The following ADAMTSL1 variants were observed in gnomAD, a reference collection of about 807,000 sequenced individuals.
ADAMTSL1 encodes ADAMTS like 1, also known as ADAMTS-like protein 1.
In ADAMTSL1, 126 loss-of-function variants were observed where a neutral mutation model predicts 201.8. The ratio of observed to expected loss-of-function variants is 0.62; its 90% CI spans 0.54 to 0.72. The LOEUF is 0.72. Among genes scored for constraint, ADAMTSL1 ranks in the 30% least tolerant of loss-of-function variants. The pLI is 0.00. For synonymous variants in ADAMTSL1, 1,121 were observed against 903.4 expected (o/e 1.24, Z -4.32); for missense variants, 2,679 against 2,277.8 (o/e 1.18, Z -3.59).
intron 2 of ADAMTSL1, among the ~76,000 whole-genome samples, chr9:18,354,744 G>A (rs1836132900): frequency 6.6e-6 from 1 of 152,160 alleles, no homozygotes; most frequent in Non-Finnish European, 1.5e-5. Context: ...GAAGTTGGTG[G>A]ATCAACTGAG....
intron 1 of ADAMTSL1, among the ~76,000 whole-genome samples, chr9:18,058,940 T>C (rs1157117763): frequency 6.6e-6 from 1 of 152,238 alleles, no homozygotes; most frequent in East Asian, 1.9e-4. Context: ...CTTGGAAATT[T>C]CATGGATATT....
At chr9:18,832,369 G>C (rs576994143) in intron 23 of ADAMTSL1, among the ~76,000 whole-genome samples, 7 of 152,190 alleles carry the variant, frequency 4.6e-5, no homozygotes, top group African/African-American at 1.7e-4. Flanking sequence ...GTGTAGGGTT[G>C]CTGAGAAATT....
chr9:18,123,374 C>T (rs1245801179), intron 1 of ADAMTSL1, among the ~76,000 whole-genome samples: 1 of 152,110 alleles, frequency 6.6e-6, no homozygotes, highest in Non-Finnish European at 1.5e-5. Context: ...GCCTCTTACT[C>T]ACTTATATTA....
chr9:18,187,725 T>C (rs1430896105), intron 2 of ADAMTSL1, among the ~76,000 whole-genome samples: 1 of 151,780 alleles, frequency 6.6e-6, no homozygotes, highest in Non-Finnish European at 1.5e-5. Context: ...ACAATAAATA[T>C]GTAATAAGAA....
intron 8 of ADAMTSL1, 123 bp from the exon 9 acceptor site, chr9:18,661,812 T>G: frequency 9.4e-7 from 1 of 1,068,134 alleles, no homozygotes; most frequent in South Asian, 1.9e-5. Context: ...TGTGTCTTTT[T>G]TCCTGGAAAT....
chr9:18,470,765 A>C (rs573730901), upstream of ADAMTSL1, among the ~76,000 whole-genome samples: 1 of 152,216 alleles, frequency 6.6e-6, no homozygotes, highest in Non-Finnish European at 1.5e-5. Flanking sequence ...CTTCTGTCCA[A>C]GCTGGTGTCT....
intron 1 of ADAMTSL1, among the ~76,000 whole-genome samples, chr9:18,006,519 A>C (rs1023669192): frequency 6.6e-6 from 1 of 151,920 alleles, no homozygotes; most frequent in Non-Finnish European, 1.5e-5. Flanking sequence ...GGAACTTGGA[A>C]GTTGTTGGGT....
At chr9:18,901,664 A>G (rs1830026154) in intron 26 of ADAMTSL1, among the ~76,000 whole-genome samples, 1 of 152,230 alleles carries the variant, frequency 6.6e-6, no homozygotes, top group African/African-American at 2.4e-5. Context: ...ATGTATAGCC[A>G]AAGAAGAATG....
chr9:18,131,779 TG>T (rs747258994), intron 1 of ADAMTSL1, among the ~76,000 whole-genome samples: 20 of 152,160 alleles, frequency 1.3e-4, no homozygotes, highest in Middle Eastern at 3.4e-3. Context: ...GAAGGGCCAA[TG>T]GGTTGGGTTT....
intron 5 of ADAMTSL1, among the ~76,000 whole-genome samples, chr9:18,635,531 T>C (rs1379317985): frequency 6.6e-6 from 1 of 152,210 alleles, no homozygotes; most frequent in African/African-American, 2.4e-5. Context: ...TTACCTGTTC[T>C]ACTCATCCAA....
chr9:18,245,724 G>A (rs1377150161), intron 2 of ADAMTSL1, among the ~76,000 whole-genome samples: 1 of 151,054 alleles, frequency 6.6e-6, no homozygotes, highest in African/African-American at 2.4e-5. Context: ...CAATGAAAGA[G>A]TAAAATTAAC....
intron 13 of ADAMTSL1, among the ~76,000 whole-genome samples, chr9:18,703,037 C>T (rs1465858961): frequency 8.5e-5 from 13 of 152,162 alleles, no homozygotes; most frequent in Non-Finnish European, 1.6e-4. Context: ...GCTGGGATCC[C>T]AGGCGTGAGT....
At chr9:18,310,931 A>G (rs569409912) in intron 2 of ADAMTSL1, among the ~76,000 whole-genome samples, 2 of 152,316 alleles carry the variant, frequency 1.3e-5, no homozygotes, top group East Asian at 3.9e-4. Flanking sequence ...ACTATTCACA[A>G]TAGCAAAGAC....
chr9:17,956,019 A>T (rs770940578), intron 1 of ADAMTSL1, among the ~76,000 whole-genome samples: 3 of 152,222 alleles, frequency 2.0e-5, no homozygotes, highest in Non-Finnish European at 4.4e-5. Flanking sequence ...TTTTGAAATT[A>T]TTCACCTAAG....
At chr9:18,415,679 A>G (rs796869065) in intron 2 of ADAMTSL1, among the ~76,000 whole-genome samples, 3 of 152,178 alleles carry the variant, frequency 2.0e-5, no homozygotes, top group African/African-American at 7.2e-5. Context: ...GAAAAAAAAA[A>G]TCTACATATT....
chr9:18,455,717 C>T (rs771938071), intron 2 of ADAMTSL1, among the ~76,000 whole-genome samples: 1 of 152,046 alleles, frequency 6.6e-6, no homozygotes, highest in Non-Finnish European at 1.5e-5. Flanking sequence ...ACATTTTGGG[C>T]ATGGACCCAA....
chr9:18,211,801 T>C (rs1377789683), intron 2 of ADAMTSL1, among the ~76,000 whole-genome samples: 3 of 152,226 alleles, frequency 2.0e-5, no homozygotes, highest in African/African-American at 7.2e-5. Flanking sequence ...TTGCTTCAAA[T>C]GTTCCATTGA....
intron 3 of ADAMTSL1, among the ~76,000 whole-genome samples, chr9:18,560,476 G>C (rs376815469): frequency 6.6e-6 from 1 of 151,972 alleles, no homozygotes; most frequent in Non-Finnish European, 1.5e-5. Flanking sequence ...TTTCTTTTTT[G>C]TTGTTGTTTA....
At chr9:18,203,473 C>A (rs561993965) in intron 2 of ADAMTSL1, among the ~76,000 whole-genome samples, 38 of 151,360 alleles carry the variant, frequency 2.5e-4, no homozygotes, top group Non-Finnish European at 5.0e-4. Context: ...GAAAGGCAGG[C>A]AGATAACTGT....
Sources: allele counts gnomAD v4.1 joint callset (sites outside exome capture counted in the v4.1 genomes callset), GRCh38; gene constraint gnomAD v4.1.1; transcripts MANE v1.5; gene names NCBI Gene and HGNC (gene_info 2026-07-23, HGNC 2026-07-21).